The following CNTNAP5 variants were observed in gnomAD, a reference collection of about 807,000 sequenced individuals.
CNTNAP5 encodes contactin associated protein family member 5, also known as contactin-associated protein-like 5.
CNTNAP5 carries 72 observed loss-of-function variants against 150.2 expected under a neutral mutation model. The observed-to-expected ratio is 0.48, with a 90% CI of 0.40 to 0.58. The LOEUF is 0.58. Ranked by LOEUF, CNTNAP5 falls within the 20% of genes least tolerant of loss-of-function variation. The probability of loss-of-function intolerance (pLI) is 0.00; values close to 1 mark genes in which losing one functional copy is unlikely to be tolerated. For synonymous variants in CNTNAP5, 672 were observed against 619.8 expected (o/e 1.08, Z -1.25); for missense variants, 1,636 against 1,626.2 (o/e 1.01, Z -0.10).
intron 19 of CNTNAP5, among the ~76,000 whole-genome samples, chr2:124,818,176 G>A (rs948315272): frequency 3.9e-5 from 6 of 152,162 alleles, no homozygotes; most frequent in Non-Finnish European, 8.8e-5. Context: ...TCTTCAAAGA[G>A]AGGTCTGGAT....
intron 21 of CNTNAP5, among the ~76,000 whole-genome samples, chr2:124,885,728 T>C (rs917660082): frequency 6.6e-6 from 1 of 152,042 alleles, no homozygotes; most frequent in African/African-American, 2.4e-5. Context: ...TTTGTCACAT[T>C]TTGTATCTCA....
At chr2:124,216,563 C>T (rs970728406) in intron 1 of CNTNAP5, among the ~76,000 whole-genome samples, 12 of 152,026 alleles carry the variant, frequency 7.9e-5, no homozygotes, top group African/African-American at 2.4e-4. Context: ...CAACAGTCCC[C>T]GGTGTGTGAT....
chr2:124,710,513 C>T (rs1013676784), intron 13 of CNTNAP5, among the ~76,000 whole-genome samples: 1 of 152,128 alleles, frequency 6.6e-6, no homozygotes, highest in African/African-American at 2.4e-5. Context: ...GAGAACCTAT[C>T]ATCCATTGTC....
At chr2:124,826,151 C>A (rs1028946430) in intron 19 of CNTNAP5, among the ~76,000 whole-genome samples, 1 of 151,922 alleles carries the variant, frequency 6.6e-6, no homozygotes, top group South Asian at 2.1e-4. Flanking sequence ...GTTATTACTA[C>A]ATTAATTATT....
intron 1 of CNTNAP5, among the ~76,000 whole-genome samples, chr2:124,153,599 G>A (rs866794900): frequency 3.2e-4 from 48 of 148,154 alleles, no homozygotes; most frequent in African/African-American, 9.4e-4. Context: ...AAAGCCCCCC[G>A]GGACTTTTTT....
chr2:124,551,847 C>T (rs1365325507), intron 10 of CNTNAP5, among the ~76,000 whole-genome samples: 3 of 152,024 alleles, frequency 2.0e-5, no homozygotes, highest in Non-Finnish European at 2.9e-5. Context: ...AAATTATTTC[C>T]GTAGGTTTTT....
chr2:124,886,942 A>C (rs979294159), intron 21 of CNTNAP5, among the ~76,000 whole-genome samples: 1 of 151,956 alleles, frequency 6.6e-6, no homozygotes, highest in African/African-American at 2.4e-5. Context: ...TCTCATTCTC[A>C]TTTGAAATAT....
At chr2:124,590,120 G>A (rs958858536) in intron 11 of CNTNAP5, among the ~76,000 whole-genome samples, 1 of 152,090 alleles carries the variant, frequency 6.6e-6, no homozygotes, top group Non-Finnish European at 1.5e-5. Flanking sequence ...ATAGGAAGAA[G>A]GTCCTCACTA....
At chr2:124,616,162 A>G (rs947295393) in intron 12 of CNTNAP5, among the ~76,000 whole-genome samples, 2 of 152,194 alleles carry the variant, frequency 1.3e-5, no homozygotes, top group African/African-American at 4.8e-5. Flanking sequence ...GATACAGCCT[A>G]TCCTTGGAAG....
Position 124,917,754 on chromosome 2 carries a change from A to G in CNTNAP5, c.*3466A>G, listed in dbSNP as rs1232493377. Among the ~76,000 whole-genome samples, 9 of 152,076 alleles carry G rather than the reference A, an allele frequency of 5.9e-5. No individual in the cohort carries two copies. The highest frequency in any genetic ancestry group is 2.9e-5 in the Non-Finnish European group (2 of 67,986). On this transcript the variant is annotated 3_prime_UTR_variant, in exon 24 of 24. Coordinates refer to ENST00000682447, the MANE Select transcript of CNTNAP5 (RefSeq NM_001367498.1). ...CGGGCTAGGCATTGGGTGAACATAT[A>G]TAAATTACACCTTGTTTTTGCCCTT...
At chr2:124,780,322 CTG>C (rs1346412268) in intron 17 of CNTNAP5, among the ~76,000 whole-genome samples, 1 of 152,110 alleles carries the variant, frequency 6.6e-6, no homozygotes, top group Non-Finnish European at 1.5e-5. Flanking sequence ...CTTTTGGAAA[CTG>C]AGGGGTTTTG....
chr2:124,535,501 C>T (rs933338997), intron 10 of CNTNAP5, among the ~76,000 whole-genome samples: 29 of 151,806 alleles, frequency 1.9e-4, no homozygotes, highest in African/African-American at 5.8e-4. Flanking sequence ...TGGTGGCTCA[C>T]GCCTGTAATC....
intron 1 of CNTNAP5, among the ~76,000 whole-genome samples, chr2:124,151,979 T>C (rs1191058712): frequency 6.6e-6 from 1 of 152,148 alleles, no homozygotes; most frequent in Admixed American, 6.5e-5. Context: ...AATAGGAAAA[T>C]AAGTTTATAG....
At chr2:124,551,511 G>A (rs1475569201) in intron 10 of CNTNAP5, among the ~76,000 whole-genome samples, 1 of 152,152 alleles carries the variant, frequency 6.6e-6, no homozygotes, top group East Asian at 1.9e-4. Context: ...AACAGACAAA[G>A]GAACGCAACC....
chr2:124,055,286 T>C (rs1263548670), intron 1 of CNTNAP5, among the ~76,000 whole-genome samples: 2 of 152,196 alleles, frequency 1.3e-5, no homozygotes, highest in Non-Finnish European at 2.9e-5. Flanking sequence ...TGTGGAGTTC[T>C]TTCCAGAAAC....
chr2:124,878,057 A>C (rs1677896061), intron 21 of CNTNAP5, among the ~76,000 whole-genome samples: 1 of 152,036 alleles, frequency 6.6e-6, no homozygotes, highest in African/African-American at 2.4e-5. Context: ...GCTCCTAATA[A>C]ATCCTGCCAC....
chr2:124,751,622 C>T (rs1012072831), intron 14 of CNTNAP5, among the ~76,000 whole-genome samples: 1 of 152,206 alleles, frequency 6.6e-6, no homozygotes, highest in African/African-American at 2.4e-5. Flanking sequence ...CCACACGTTT[C>T]AAATTTTTGT....
At chr2:124,852,205 T>C (rs1683172477) in intron 19 of CNTNAP5, among the ~76,000 whole-genome samples, 2 of 152,204 alleles carry the variant, frequency 1.3e-5, no homozygotes, top group South Asian at 4.1e-4. Flanking sequence ...AAGTCTGATA[T>C]TGAGTCCATG....
chr2:124,476,953 A>T (rs1484942200), intron 7 of CNTNAP5, among the ~76,000 whole-genome samples: 1 of 152,110 alleles, frequency 6.6e-6, no homozygotes, highest in Admixed American at 6.6e-5. Context: ...CTTAAAACAG[A>T]TCAGGTTAAG....
Sources: gnomAD v4.1 joint callset for allele counts (sites outside exome capture counted in the v4.1 genomes callset) on GRCh38, gnomAD v4.1.1 for gene constraint, MANE v1.5 for transcripts, NCBI Gene and HGNC (gene_info 2026-07-23, HGNC 2026-07-21) for gene names.